Variants in HTT-AS observed in about 807,000 individuals in gnomAD.
HTT-AS encodes HTT antisense RNA, also known as HTT antisense RNA (head to head).
At chr4:3,067,683 A>C (rs745666394) in intron 1 of HTT-AS, among the ~76,000 whole-genome samples, 15 of 152,136 alleles carry the variant, frequency 9.9e-5, no homozygotes, top group African/African-American at 1.9e-4. Flanking sequence ...GGCTGTGGGG[A>C]ATGTCTTTGC....
At chr4:3,058,290 C>T (rs1350305913) in intron 2 of HTT-AS, among the ~76,000 whole-genome samples, 2 of 151,626 alleles carry the variant, frequency 1.3e-5, no homozygotes, top group African/African-American at 4.9e-5. Flanking sequence ...TGCGCCATTG[C>T]ACTCCAGCCT....
intron 1 of HTT-AS, among the ~76,000 whole-genome samples, chr4:3,066,729 C>G (rs1712064027): frequency 6.6e-6 from 1 of 152,196 alleles, no homozygotes; most frequent in Non-Finnish European, 1.5e-5. Context: ...TCCCAGGAGC[C>G]TGGCATTGCA....
chr4:3,072,579 C>A (rs1224467402), intron 1 of HTT-AS, among the ~76,000 whole-genome samples: 1 of 152,174 alleles, frequency 6.6e-6, no homozygotes, highest in Non-Finnish European at 1.5e-5. Context: ...AACCTTGAGG[C>A]CTGACACAGT....
At chr4:3,071,919 AC>A (rs1712182057) in intron 1 of HTT-AS, among the ~76,000 whole-genome samples, 2 of 152,190 alleles carry the variant, frequency 1.3e-5, no homozygotes, top group South Asian at 4.1e-4. Flanking sequence ...ATGAGAAGAT[AC>A]ATTTCTGTTG....
At chr4:3,054,962 C>G (rs939352557) in intron 2 of HTT-AS, among the ~76,000 whole-genome samples, 2 of 151,924 alleles carry the variant, frequency 1.3e-5, no homozygotes, top group African/African-American at 4.8e-5. Context: ...ATCTGCCCGC[C>G]TCCACCTCCC....
At chr4:3,055,186 TA>T (rs1711784007) in intron 2 of HTT-AS, among the ~76,000 whole-genome samples, 1 of 151,836 alleles carries the variant, frequency 6.6e-6, no homozygotes, top group African/African-American at 2.4e-5. Context: ...TAGTCCCAGC[TA>T]CTCAGGAGGC....
At chr4:3,062,058 T>C (rs73086116) in intron 2 of HTT-AS, among the ~76,000 whole-genome samples, 8,312 of 151,176 alleles carry the variant, frequency 0.055, 407 homozygotes, top group African/African-American at 0.13. Context: ...AAGGATGACT[T>C]TGAATGGAAT....
At chr4:3,052,901 C>T (rs1416091640) in intron 2 of HTT-AS, among the ~76,000 whole-genome samples, 4 of 151,826 alleles carry the variant, frequency 2.6e-5, no homozygotes, top group African/African-American at 9.7e-5. Flanking sequence ...GAGGCTGAGG[C>T]AGAAGAATCG....
chr4:3,049,919 C>CACACACACAA (rs1711668850), intron 2 of HTT-AS, among the ~76,000 whole-genome samples: 1 of 138,024 alleles, frequency 7.2e-6, no homozygotes, highest in African/African-American at 3.2e-5. Flanking sequence ...CACACACACA[C>CACACACACAA]ACACACACAC....
At chr4:3,047,047 T>G (rs1290402190), downstream of HTT-AS, among the ~76,000 whole-genome samples, 1 of 152,196 alleles carries the variant, frequency 6.6e-6, no homozygotes, top group Non-Finnish European at 1.5e-5. Context: ...CGCAGTGGCT[T>G]ACGCCTATAA....
intron 2 of HTT-AS, among the ~76,000 whole-genome samples, chr4:3,059,670 AC>A (rs1281003865): frequency 6.6e-6 from 1 of 151,670 alleles, no homozygotes; most frequent in East Asian, 1.9e-4. Context: ...GCCCACTGCA[AC>A]CTCCACCTCC....
At chr4:3,061,948 C>G (rs1711933882) in intron 2 of HTT-AS, among the ~76,000 whole-genome samples, 1 of 143,878 alleles carries the variant, frequency 7.0e-6, no homozygotes, top group Non-Finnish European at 1.5e-5. Context: ...CACCACTGCA[C>G]TCCAGCCCGG....
At chr4:3,073,493 T>G (rs1712248299) in intron 1 of HTT-AS, among the ~76,000 whole-genome samples, 1 of 152,222 alleles carries the variant, frequency 6.6e-6, no homozygotes, top group Admixed American at 6.5e-5. Context: ...AGAGCAGGGG[T>G]GCACTCCCAT....
intron 1 of HTT-AS, among the ~76,000 whole-genome samples, chr4:3,069,076 G>A (rs1712112818): frequency 1.3e-5 from 2 of 152,014 alleles, no homozygotes; most frequent in Admixed American, 6.6e-5. Flanking sequence ...ATAGATTTAC[G>A]TTAGATTTTG....
At chr4:3,055,466 CT>C (rs1214238041) in intron 2 of HTT-AS, among the ~76,000 whole-genome samples, 1 of 152,186 alleles carries the variant, frequency 6.6e-6, no homozygotes, top group Non-Finnish European at 1.5e-5. Flanking sequence ...GTGCTGCAGC[CT>C]ATCTCCTTTG....
chr4:3,051,819 A>T (rs1195780759), intron 2 of HTT-AS, among the ~76,000 whole-genome samples: 1 of 151,366 alleles, frequency 6.6e-6, no homozygotes, highest in African/African-American at 2.4e-5. Flanking sequence ...TGGGCTTAAA[A>T]CCCCATAAGC....
At chr4:3,066,817 G>C (rs1712065012) in intron 1 of HTT-AS, among the ~76,000 whole-genome samples, 1 of 152,144 alleles carries the variant, frequency 6.6e-6, no homozygotes, top group Non-Finnish European at 1.5e-5. Context: ...ACAATGTCCA[G>C]CACACAAACA....
chr4:3,049,791 G>T (rs867903003), intron 2 of HTT-AS, among the ~76,000 whole-genome samples: 9 of 151,970 alleles, frequency 5.9e-5, no homozygotes, highest in Non-Finnish European at 1.0e-4. Context: ...CTTAACATGC[G>T]AGAGCTTTTA....
chr4:3,056,061 T>A (rs1187052524), intron 2 of HTT-AS, among the ~76,000 whole-genome samples: 1 of 152,174 alleles, frequency 6.6e-6, no homozygotes, highest in East Asian at 1.9e-4. Context: ...GACTTATCCA[T>A]GATCCCCAGC....
Sources: allele counts gnomAD v4.1 joint callset (sites outside exome capture counted in the v4.1 genomes callset), GRCh38; gene constraint gnomAD v4.1.1; transcripts MANE v1.5; gene names NCBI Gene and HGNC (gene_info 2026-07-23, HGNC 2026-07-21).